Variants in PPFIA3 observed in about 807,000 individuals in gnomAD.
The protein encoded by PPFIA3 is PPFI scaffold protein A3.
PPFIA3 carries 26 observed loss-of-function variants against 145.8 expected under a neutral mutation model. That is an observed-to-expected ratio of 0.18 (90% CI 0.13 to 0.25). The LOEUF (loss-of-function observed/expected upper bound fraction) is 0.25. PPFIA3 is among the 10% of genes least tolerant of loss of function. The probability of loss-of-function intolerance (pLI) is 1.00; values close to 1 mark genes in which losing one functional copy is unlikely to be tolerated. For synonymous variants in PPFIA3, 645 were observed against 661.4 expected, an observed-to-expected ratio of 0.98 and a Z score of 0.38; for missense variants, 1,008 against 1,587.8, an observed-to-expected ratio of 0.63 and a Z score of 6.21.
chr19:49,143,146 C>T (rs1052295723), intron 21 of PPFIA3, 142 bp downstream of exon 21: 2 of 967,044 alleles, frequency 2.1e-6, no homozygotes, highest in Non-Finnish European at 3.1e-6. Context: ...AGCCTCCCCT[C>T]CACTCCTAAC....
chr19:49,149,417 G>A lies in PPFIA3; in HGVS notation c.3354+92G>A. 6.3e-7 allele frequency: 1 copy of A among 1,588,716 alleles called. No homozygotes were observed. Among genetic ancestry groups the A allele is most frequent in the Admixed American group, 1.7e-5 (1 of 59,684 alleles). On this transcript the variant is annotated intron_variant, in intron 27 of 29. Coordinates refer to ENST00000334186, the MANE Select transcript of PPFIA3 (RefSeq NM_003660.4). This position sits in a 1 kb window ranked among gnomAD's most constrained non-coding sequence, Gnocchi z 5.7. ...CGGGGCCTGACTATTAATGGTCACGGTTGGAGGCGGGGCCAGGAGAGGGGC... is the reference window on the plus strand; with the variant it reads ...CGGGGCCTGACTATTAATGGTCACGATTGGAGGCGGGGCCAGGAGAGGGGC...
chr19:49,136,643 AAGTC>A, intron 14 of PPFIA3, 77 bp from the exon 15 acceptor site: 1 of 965,180 alleles, frequency 1.0e-6, no homozygotes, highest in Non-Finnish European at 1.4e-6. Context: ...GAGGTCGGGC[AAGTC>A]AGGATCATGA....
intron 18 of PPFIA3, 129 bp downstream of exon 18, chr19:49,140,217 T>C: frequency 4.8e-6 from 6 of 1,250,624 alleles, no homozygotes; most frequent in Non-Finnish European, 6.6e-6. Flanking sequence ...ATTTAGAATT[T>C]GGAAGGAACA....
At position 49,143,007 on chromosome 19, in the gene PPFIA3, G is replaced by A; in HGVS notation, c.2745+3G>A. The A allele has an allele frequency of 6.2e-7, 1 of 1,602,216 alleles. No individual in the cohort carries two copies. Among genetic ancestry groups the A allele is most frequent in the Non-Finnish European group, 8.5e-7 (1 of 1,176,788 alleles). ...CAGCCCCCGCCTCCTCCCGCACTGTGAGTGTCCGGCGGCCAATTCCAGCCT... is the reference window on the plus strand; with the variant it reads ...CAGCCCCCGCCTCCTCCCGCACTGTAAGTGTCCGGCGGCCAATTCCAGCCT... On this transcript the variant is annotated splice_donor_region_variant and intron_variant, in intron 21 of 29. Coordinates refer to ENST00000334186, the MANE Select transcript of PPFIA3 (RefSeq NM_003660.4).
chr19:49,140,803 C>A (rs915768244), intron 18 of PPFIA3, among the ~76,000 whole-genome samples: 1 of 151,760 alleles, frequency 6.6e-6, no homozygotes, highest in Admixed American at 6.6e-5. Flanking sequence ...TACAGGCGCC[C>A]ACCACCACGC....
chr19:49,141,808 T>C (rs761126086), intron 19 of PPFIA3, among the ~76,000 whole-genome samples: 2 of 152,064 alleles, frequency 1.3e-5, no homozygotes, highest in Non-Finnish European at 2.9e-5. Flanking sequence ...ATTTTTTGTT[T>C]CTTTTGTTTT....
Position 49,130,263 on chromosome 19 carries a change from C to A in PPFIA3, c.658-115C>A. 8.2e-7 allele frequency: 1 copy of A among 1,226,400 alleles called. No homozygotes were observed. The highest frequency in any genetic ancestry group is 1.1e-6 in the Non-Finnish European group (1 of 886,286). 76.0% of individuals were successfully genotyped at this position (1,226,400 alleles called of 1,614,324 possible). On this transcript the variant is annotated intron_variant, in intron 6 of 29. Coordinates refer to ENST00000334186, the MANE Select transcript of PPFIA3 (RefSeq NM_003660.4). This position sits in a 1 kb window ranked among gnomAD's most constrained non-coding sequence, Gnocchi z 4.5. ...TTCACTGACCCCCGTGGACTCTGAC[C>A]AGCATGATCCTTATTGATCTTTGAT... is the stretch of plus-strand genomic sequence containing the variant.
intron 23 of PPFIA3, 39 bp downstream of exon 23, chr19:49,146,231 C>A (rs747954669): frequency 6.2e-7 from 1 of 1,607,080 alleles, no homozygotes; most frequent in Non-Finnish European, 8.5e-7. Flanking sequence ...CATGAACAGG[C>A]TGTGCACGAC....
In PPFIA3 at chr19:49,133,497, T is replaced by C; in HGVS notation, c.1161+126T>C. On this transcript the variant is annotated intron_variant, in intron 9 of 29. Transcript: ENST00000334186. The surrounding 1 kb of genome is among the most constrained non-coding windows in gnomAD (Gnocchi z 7.2). ...CGGATTTGGGGGAAAGGGTGGGGCC[T>C]AGGGGCTGGGAAAGGGACAGGACTT... The C allele has an allele frequency of 1.6e-6, 2 of 1,223,286 alleles. No homozygotes were observed. Among genetic ancestry groups the C allele is most frequent in the Non-Finnish European group, 2.2e-6 (2 of 907,248 alleles). The allele number at this position is 1,223,286 out of a possible 1,614,324, so 75.8% of individuals were successfully genotyped here. A position where few individuals can be genotyped will look rare whatever the true frequency, so the allele number is the denominator to read the frequency against.
Position 49,120,989 on chromosome 19 carries a change from TTAGGAAC to T in PPFIA3, c.-16+1268_-16+1274del, listed in dbSNP as rs1217614917. On this transcript the variant is annotated intron_variant, in intron 1 of 29. Transcript: ENST00000334186. The surrounding 1 kb of genome is among the most constrained non-coding windows in gnomAD (Gnocchi z 4.6). ...GTATCTAGTTTCTCAGGTCTCACTT[TTAGGAAC>T]CAGGTCTTCACAGCCTCATCACTCT... Among the ~76,000 whole-genome samples the T allele has an allele frequency of 6.6e-6, 1 of 152,140 alleles. No individual in the cohort carries two copies. Among genetic ancestry groups the T allele is most frequent in the Non-Finnish European group, 1.5e-5 (1 of 68,028 alleles).
Position 49,148,249 on chromosome 19 carries a change from G to A in PPFIA3, c.3002G>A (p.Ser1001Asn). Residue 1001 changes from serine to asparagine, a missense_variant, in exon 24 of 30, where the codon AGC becomes AAC. Physicochemically the swap from Ser to Asn is conservative, Grantham distance 46 (BLOSUM62 1). Transcript: ENST00000334186. ...CGGGGCCAACTCAAGATGGTGGACAGCTTTCACAGGTGGGGGCTGCCTGGC... is the reference window on the plus strand; with the variant it reads ...CGGGGCCAACTCAAGATGGTGGACAACTTTCACAGGTGGGGGCTGCCTGGC... Reference protein sequence around the residue: ...ELRGQLKMVDSFHRVSLHYGI... With the variant: ...ELRGQLKMVDNFHRVSLHYGI... The A allele has an allele frequency of 6.2e-7, 1 of 1,613,718 alleles. No homozygotes were observed. Among genetic ancestry groups the A allele is most frequent in the South Asian group, 1.1e-5 (1 of 91,034 alleles).
At chr19:49,142,157 C>T (rs993894369) in intron 20 of PPFIA3, 42 bp downstream of exon 20, 9 of 1,515,858 alleles carry the variant, frequency 5.9e-6, no homozygotes, top group Non-Finnish European at 8.1e-6. Flanking sequence ...GTCCCCAACC[C>T]CTCTGACAGC....
intron 1 of PPFIA3, among the ~76,000 whole-genome samples, chr19:49,124,792 G>A (rs1258099399): frequency 6.6e-6 from 1 of 152,028 alleles, no homozygotes; most frequent in Non-Finnish European, 1.5e-5. Flanking sequence ...GGGGCTGGGC[G>A]CGGTGGCTCA....
chr19:49,137,579 G>A (rs1017033778), intron 15 of PPFIA3, among the ~76,000 whole-genome samples: 10 of 136,270 alleles, frequency 7.3e-5, no homozygotes, highest in Admixed American at 3.4e-4. Context: ...GCAGTGAGCC[G>A]AGATAGTGCC....
Position 49,128,998 on chromosome 19 carries a change from G to T in PPFIA3, c.493G>T (p.Ala165Ser), listed in dbSNP as rs1260198617. 2 of 1,598,690 alleles carry T rather than the reference G, an allele frequency of 1.3e-6. No homozygotes were observed. The highest frequency in any genetic ancestry group is 1.7e-6 in the Non-Finnish European group (2 of 1,172,208). Reference sequence around the variant, plus strand: ...AAAGTCTCTCTTCGAGCACCACAAGGCCCTGGATGAGAAGGTATGAGAATT... The same window carrying T: ...AAAGTCTCTCTTCGAGCACCACAAGTCCCTGGATGAGAAGGTATGAGAATT... ...ALKSLFEHHK[A>S]LDEKVRERLR... Residue 165 changes from alanine to serine, a missense_variant, in exon 4 of 30, where the codon GCC (alanine) becomes TCC (serine). Physicochemically the swap from Ala to Ser is moderately conservative, Grantham distance 99. This residue lies in a region of PPFIA3 where 25 missense variants were observed against 85.2 expected (regional missense o/e 0.29). Transcript: ENST00000334186. The surrounding 1 kb of genome is among the most constrained non-coding windows in gnomAD (Gnocchi z 4.1).
Position 49,128,246 on chromosome 19 carries a change from G to A in PPFIA3, c.241-121G>A. On this transcript the variant is annotated intron_variant, in intron 2 of 29. Transcript: ENST00000334186. The surrounding 1 kb of genome is among the most constrained non-coding windows in gnomAD (Gnocchi z 4.1). ...CTTGCCGTTAATGGGCGGGGCCTGA[G>A]TGGCAAGGGACAGCGGGACTTAGCA... The A allele has an allele frequency of 2.7e-6, 4 of 1,492,432 alleles. No individual in the cohort carries two copies. The highest frequency in any genetic ancestry group is 3.7e-6 in the Non-Finnish European group (4 of 1,089,024). The allele number at this position is 1,492,432 out of a possible 1,614,324, so 92.4% of individuals were successfully genotyped here.
At chr19:49,132,968 C>G in intron 7 of PPFIA3, 33 bp from the exon 8 acceptor site, 1 of 1,598,510 alleles carries the variant, frequency 6.3e-7, no homozygotes, top group Admixed American at 1.7e-5. Context: ...CCCAGGGGCT[C>G]GCAGTCCACG....
chr19:49,148,485 G>A, intron 24 of PPFIA3, 181 bp from the exon 25 acceptor site: 1 of 722,612 alleles, frequency 1.4e-6, no homozygotes, highest in Non-Finnish European at 2.3e-6. Flanking sequence ...CTTCCAGGCT[G>A]GCCAGTAGGA....
chr19:49,141,767 A>ATTT lies in PPFIA3; in HGVS notation c.2462+260_2463-259dup, dbSNP rs1173581121. 8.3e-4 allele frequency among the ~76,000 whole-genome samples: 125 copies of ATTT among 150,632 alleles called. 1 individual carries two copies. The highest frequency in any genetic ancestry group is 2.1e-3 in the African/African-American group (87 of 41,042). On this transcript the variant is annotated intron_variant, in intron 19 of 29. Transcript: ENST00000334186. ...TTATTTTTTCTTTCTTTTTTTAAAA[A>ATTT]TTTTTTTTGTATTTTTTACATTTAT...
Sources: gnomAD v4.1 joint callset for allele counts (sites outside exome capture counted in the v4.1 genomes callset) on GRCh38, gnomAD v4.1.1 for gene constraint, gnomAD v4.1.1 regional missense constraint, Gnocchi (gnomAD v3.1) non-coding constraint, MANE v1.5 for transcripts, NCBI Gene and HGNC (gene_info 2026-07-23, HGNC 2026-07-21) for gene names.